EFCAB3: variants seen among roughly 807,000 people sequenced by gnomAD.
EFCAB3 encodes EF-hand calcium-binding domain-containing protein 3.
In EFCAB3, 36 loss-of-function variants were observed where a neutral mutation model predicts 42.2. The ratio of observed to expected loss-of-function variants is 0.85; its 90% CI spans 0.65 to 1.13. EFCAB3 has a LOEUF of 1.13. Among genes scored for constraint, EFCAB3 ranks in the 50% most tolerant of loss-of-function variants. The probability of loss-of-function intolerance (pLI) is 0.00; values close to 1 mark genes in which losing one functional copy is unlikely to be tolerated. For missense variants in EFCAB3, 418 were observed against 505.1 expected (o/e 0.83, Z 1.65); for synonymous variants, 170 against 172.8 (o/e 0.98, Z 0.13).
intron 3 of EFCAB3, among the ~76,000 whole-genome samples, chr17:62,387,892 A>G (rs1421502753): frequency 6.6e-6 from 1 of 152,178 alleles, no homozygotes; most frequent in Non-Finnish European, 1.5e-5. Context: ...AGGAAGTCTA[A>G]TAGGGAAGAC....
upstream of EFCAB3, among the ~76,000 whole-genome samples, chr17:62,379,338 T>C (rs1056233950): frequency 6.6e-6 from 1 of 151,086 alleles, no homozygotes; most frequent in East Asian, 1.9e-4. Flanking sequence ...AAGACTCACT[T>C]GAGCCTGGGA....
In EFCAB3 at chr17:62,392,661, G is replaced by A. The variant is rs62074031; in HGVS notation, c.295+696G>A. 4.9e-3 allele frequency among the ~76,000 whole-genome samples: 744 copies of A among 151,162 alleles called. 3 individuals carry two copies. Among genetic ancestry groups the A allele is most frequent in the African/African-American group, 0.012 (507 of 41,154 alleles). Reference sequence around the variant, plus strand: ...TAATGTTTTTTTTTTTGTTTGAGACGGAGTCTTGCTCTGTTGCCCAGGCTG... The same window carrying A: ...TAATGTTTTTTTTTTTGTTTGAGACAGAGTCTTGCTCTGTTGCCCAGGCTG... On this transcript the variant is annotated intron_variant, in intron 4 of 9. Transcript: ENST00000305286.
rs112203686 is a variant in EFCAB3 at position 62,394,103 on chromosome 17, G to A, written c.367+459G>A. Among the ~76,000 whole-genome samples, 848 of 152,048 alleles carry A rather than the reference G, an allele frequency of 5.6e-3. 5 individuals carry two copies. Among genetic ancestry groups the A allele is most frequent in the African/African-American group, 0.019 (805 of 41,454 alleles). ...CCGGTAGCTGGGACTACAGGCGCCC[G>A]CCACCATGCCCGGCTAATTTTTTGT... On this transcript the variant is annotated intron_variant, in intron 5 of 9. Transcript: ENST00000305286.
chr17:62,371,358 C>T (rs2070113359), intron 1 of EFCAB3, among the ~76,000 whole-genome samples: 3 of 151,982 alleles, frequency 2.0e-5, no homozygotes, highest in African/African-American at 7.2e-5. Context: ...AGGTCGAGAC[C>T]AGCCTGACCA....
At chr17:62,388,078 C>T (rs1055103626) in intron 3 of EFCAB3, among the ~76,000 whole-genome samples, 2 of 152,168 alleles carry the variant, frequency 1.3e-5, no homozygotes, top group African/African-American at 2.4e-5. Flanking sequence ...AGCGTGGTGG[C>T]GGGCACCTGT....
intron 2 of EFCAB3, chr17:62,383,284 G>A (rs778540087): frequency 3.3e-4 from 113 of 342,952 alleles, no homozygotes; most frequent in Middle Eastern, 8.3e-4. Flanking sequence ...GACCATCCTG[G>A]CCAACATGGT....
At chr17:62,377,988 C>T, upstream of EFCAB3, 2 of 1,549,310 alleles carry the variant, frequency 1.3e-6, no homozygotes, top group Non-Finnish European at 1.7e-6. Context: ...GGTGACTCTG[C>T]ATAAGTTGAA....
At chr17:62,397,763 T>G in intron 6 of EFCAB3, 1 of 410,684 alleles carries the variant, frequency 2.4e-6, no homozygotes, top group South Asian at 2.1e-5. Flanking sequence ...AGTGGCTCAT[T>G]GTTGTAATCC....
upstream of EFCAB3, among the ~76,000 whole-genome samples, chr17:62,377,531 G>C (rs1224175477): frequency 6.6e-6 from 1 of 152,176 alleles, no homozygotes; most frequent in Non-Finnish European, 1.5e-5. Flanking sequence ...GGGAGATTTT[G>C]CAGTTAGTTA....
chr17:62,399,443 C>T (rs2070382084), intron 6 of EFCAB3, among the ~76,000 whole-genome samples: 1 of 151,084 alleles, frequency 6.6e-6, no homozygotes. Context: ...GCTAGGATTA[C>T]AGGCGTGAGC....
chr17:62,413,027 GAGAA>G (rs2070513103), intron 8 of EFCAB3, among the ~76,000 whole-genome samples: 1 of 152,154 alleles, frequency 6.6e-6, no homozygotes, highest in African/African-American at 2.4e-5. Context: ...GAGGGTCAGA[GAGAA>G]AGAAAAAGAA....
intron 3 of EFCAB3, 150 bp from the exon 4 acceptor site, chr17:62,391,672 T>C (rs1456037741): frequency 2.0e-5 from 16 of 802,760 alleles, no homozygotes; most frequent in Non-Finnish European, 2.3e-5. Context: ...TACTGTCCTT[T>C]ATAAGAAATG....
At chr17:62,388,736 T>C (rs1159857581) in intron 3 of EFCAB3, among the ~76,000 whole-genome samples, 2 of 152,220 alleles carry the variant, frequency 1.3e-5, no homozygotes, top group African/African-American at 4.8e-5. Context: ...GAGAGGTTAA[T>C]TTGTTCATTC....
At chr17:62,401,546 A>C in intron 6 of EFCAB3, among the ~76,000 whole-genome samples, 1 of 152,180 alleles carries the variant, frequency 6.6e-6, no homozygotes, top group Non-Finnish European at 1.5e-5. Flanking sequence ...TAAATAGGGA[A>C]TCCTTTCCCC....
At position 62,414,470 on chromosome 17, in the gene EFCAB3, G is replaced by A. The variant is rs146468212; in HGVS notation, c.990+616G>A. Among the ~76,000 whole-genome samples the A allele has an allele frequency of 6.6e-5, 10 of 152,064 alleles. No homozygotes were observed. In the East Asian group the frequency reaches 9.6e-4, roughly 15 times the overall value. ...ACCTGATGACTATTTCTACCTCTACGCTGGGTCTCATAACATAACAAACTC... is the reference window on the plus strand; with the variant it reads ...ACCTGATGACTATTTCTACCTCTACACTGGGTCTCATAACATAACAAACTC... On this transcript the variant is annotated intron_variant, in intron 9 of 9. Coordinates refer to ENST00000305286, the MANE Select transcript of EFCAB3 (RefSeq NM_173503.4).
intron 4 of EFCAB3, 133 bp downstream of exon 4, chr17:62,392,098 GTA>G (rs1209459971): frequency 3.7e-5 from 19 of 518,614 alleles, no homozygotes; most frequent in East Asian, 4.8e-5. Context: ...ATATTTGTGT[GTA>G]TATATATATT....
intron 6 of EFCAB3, among the ~76,000 whole-genome samples, chr17:62,404,947 C>G (rs1348441302): frequency 6.6e-6 from 1 of 152,126 alleles, no homozygotes; most frequent in Non-Finnish European, 1.5e-5. Context: ...AGAAAGGAAA[C>G]TATAGACTAG....
At chr17:62,396,503 G>A (rs540424247) in intron 6 of EFCAB3, among the ~76,000 whole-genome samples, 7 of 151,828 alleles carry the variant, frequency 4.6e-5, no homozygotes, top group Admixed American at 1.3e-4. Flanking sequence ...GCAGTGAGCC[G>A]AGATCACTCC....
intron 4 of EFCAB3, 24 bp downstream of exon 4, chr17:62,391,989 T>C (rs1477605790): frequency 1.3e-6 from 2 of 1,572,236 alleles, no homozygotes; most frequent in African/African-American, 1.4e-5. Flanking sequence ...CTTCTCATTG[T>C]TTTTCTCATA....
Sources: allele counts gnomAD v4.1 joint callset (sites outside exome capture counted in the v4.1 genomes callset), GRCh38; gene constraint gnomAD v4.1.1; transcripts MANE v1.5; gene names NCBI Gene and HGNC (gene_info 2026-07-23, HGNC 2026-07-21).